Variants in DMD observed in about 807,000 individuals in gnomAD.
DMD encodes dystrophin.
In DMD, 63 loss-of-function variants were observed where a neutral mutation model predicts 330.1. The ratio of observed to expected loss-of-function variants is 0.19; its 90% CI spans 0.16 to 0.24. DMD has a LOEUF of 0.24. Ranked by LOEUF, DMD falls within the 10% of genes least tolerant of loss-of-function variation. The probability of loss-of-function intolerance (pLI) is 1.00; values close to 1 mark genes in which losing one functional copy is unlikely to be tolerated. For missense variants in DMD, 3,344 were observed against 2,684.1 expected (o/e 1.25, Z -5.43); for synonymous variants, 1,223 against 959.8 (o/e 1.27, Z -5.07).
At chrX:31,616,221 A>T (rs185639489) in intron 55 of DMD, among the ~76,000 whole-genome samples, 1 of 111,849 alleles carries the variant, frequency 8.9e-6, no homozygotes, top group Admixed American at 9.5e-5. Context: ...TGCCTATAGG[A>T]ATTGAGATGG....
In DMD at chrX:31,756,033, AGAGC is replaced by A. The variant is rs201468940; in HGVS notation, c.7542+17923_7542+17926del. ...GTGTGCGTGAGAGAGACACAGAGAG[AGAGC>A]GAGAGATTGAGAGTAAGCCCGATCA... is the stretch of plus-strand genomic sequence containing the variant. On this transcript the variant is annotated intron_variant, in intron 51 of 78. Coordinates refer to ENST00000357033, the MANE Select transcript of DMD (RefSeq NM_004006.3). Among the ~76,000 whole-genome samples, 938 of 111,666 alleles carry A rather than the reference AGAGC, an allele frequency of 8.4e-3. 3 individuals are homozygous for A. The highest frequency in any genetic ancestry group is 0.012 in the Non-Finnish European group (663 of 53,098).
chrX:31,857,195 A>G (rs887340330), intron 48 of DMD, among the ~76,000 whole-genome samples: 2 of 109,249 alleles, frequency 1.8e-5, no homozygotes, highest in African/African-American at 3.3e-5. Flanking sequence ...CCTGGTCAAC[A>G]TGGTGAAACC....
At chrX:32,160,854 C>T (rs1253867863) in intron 44 of DMD, among the ~76,000 whole-genome samples, 1 of 111,354 alleles carries the variant, frequency 9.0e-6, no homozygotes, top group African/African-American at 3.3e-5. Flanking sequence ...TACAGCTTGC[C>T]AAATCTAAAC....
At chrX:32,950,702 C>T (rs1390205965) in intron 2 of DMD, among the ~76,000 whole-genome samples, 2 of 111,329 alleles carry the variant, frequency 1.8e-5, no homozygotes, top group Non-Finnish European at 3.8e-5. Context: ...TAAGATCAGT[C>T]ATTCCAGAAA....
intron 27 of DMD, among the ~76,000 whole-genome samples, chrX:32,445,166 C>A (rs755679853): frequency 3.4e-4 from 38 of 111,287 alleles, no homozygotes; most frequent in African/African-American, 1.2e-3. Context: ...CCTAGGAGAT[C>A]TTTTTTGGGG....
Position 32,327,674 on chromosome X carries a change from C to A in DMD, c.5922+14426G>T, listed in dbSNP as rs780264729. The stretch of plus-strand genomic sequence containing the variant: ...AGTTTCTCCTAAAATAGCTTGTTCT[C>A]TGTCAATGTTCCAGGAAATAATAGT... On this transcript the variant is annotated intron_variant, in intron 41 of 78. Coordinates refer to ENST00000357033, the MANE Select transcript of DMD (RefSeq NM_004006.3). 2.7e-5 allele frequency among the ~76,000 whole-genome samples: 3 copies of A among 111,357 alleles called. No individual in the cohort carries two copies. In the East Asian group the frequency reaches 8.5e-4, roughly 32 times the overall value.
At chrX:31,337,797 A>G (rs1162056478) in intron 61 of DMD, among the ~76,000 whole-genome samples, 1 of 112,097 alleles carries the variant, frequency 8.9e-6, no homozygotes, top group African/African-American at 3.2e-5. Context: ...TGTCACAATG[A>G]GGAAGATGAA....
At position 31,855,871 on chromosome X, in the gene DMD, A is replaced by ATATG. The variant is rs746132597; in HGVS notation, c.7099-19056_7099-19053dup. ...ATAAAGCCAATTCCTGGTTTACTCA[A>ATATG]TATGTCAGTCTTCATCTGTGATACC... On this transcript the variant is annotated intron_variant, in intron 48 of 78. Transcript: ENST00000357033. Among the ~76,000 whole-genome samples the ATATG allele has an allele frequency of 1.4e-4, 16 of 112,257 alleles. No individual in the cohort carries two copies. In the South Asian group the frequency reaches 2.2e-3, roughly 15 times the overall value.
At position 31,170,122 on chromosome X, in the gene DMD, G is replaced by T. The variant is rs370317679; in HGVS notation, c.10395-521C>A. Among the ~76,000 whole-genome samples, 4 of 111,210 alleles carry T rather than the reference G, an allele frequency of 3.6e-5. No individual in the cohort carries two copies. In the South Asian group the frequency reaches 1.5e-3, roughly 42 times the overall value. ...AGTTTTAACTTATATAAGTCATTGAGGCAGAATGACAACAACAATTAAACT... is the reference window on the plus strand; with the variant it reads ...AGTTTTAACTTATATAAGTCATTGATGCAGAATGACAACAACAATTAAACT... On this transcript the variant is annotated intron_variant, in intron 73 of 78. Coordinates refer to ENST00000357033, the MANE Select transcript of DMD (RefSeq NM_004006.3).
At chrX:31,832,406 T>C (rs2093070025) in intron 49 of DMD, among the ~76,000 whole-genome samples, 1 of 111,847 alleles carries the variant, frequency 8.9e-6, no homozygotes, top group Non-Finnish European at 1.9e-5. Context: ...CAGCTTCATC[T>C]AGTTAATTAA....
intron 2 of DMD, among the ~76,000 whole-genome samples, chrX:32,931,278 A>G (rs1354581369): frequency 9.0e-6 from 1 of 110,827 alleles, no homozygotes; most frequent in Admixed American, 9.8e-5. Context: ...AGATAACCCT[A>G]AATTTACGAT....
chrX:31,586,080 A>G (rs1418624509), intron 55 of DMD, among the ~76,000 whole-genome samples: 1 of 111,949 alleles, frequency 8.9e-6, no homozygotes, highest in Non-Finnish European at 1.9e-5. Flanking sequence ...GGACCATTCA[A>G]TCTGTATTTC....
At chrX:32,827,065 C>CCCACACACACA (rs767139724) in intron 4 of DMD, among the ~76,000 whole-genome samples, 5 of 68,986 alleles carry the variant, frequency 7.2e-5, no homozygotes, top group Non-Finnish European at 1.3e-4. Flanking sequence ...CACCCCCCCC[C>CCCACACACACA]CACACACACA....
chrX:32,556,155 A>G (rs2050276439), intron 16 of DMD, among the ~76,000 whole-genome samples: 1 of 112,482 alleles, frequency 8.9e-6, no homozygotes, highest in African/African-American at 3.2e-5. Flanking sequence ...TGGGCAAAGC[A>G]CATAAACAAA....
At chrX:31,359,072 G>C (rs953793100) in intron 60 of DMD, among the ~76,000 whole-genome samples, 2 of 112,067 alleles carry the variant, frequency 1.8e-5, no homozygotes, top group Non-Finnish European at 3.8e-5. Context: ...TACTTATTGA[G>C]TGTTTATAAG....
rs1603634605 is a variant in DMD, at chrX:32,484,966, T to G, written c.2756A>C (p.Lys919Thr). Residue 919 changes from lysine to threonine, a missense_variant, in exon 21 of 79, where the codon AAG (lysine) becomes ACG (threonine). Lys to Thr is a moderately conservative substitution (Grantham distance 78, BLOSUM62 -1). Coordinates refer to ENST00000357033, the MANE Select transcript of DMD (RefSeq NM_004006.3). ...GGCCTGCACATCAGAAAAGACTTGCTTAAAATGATTTGTAAAGGCCACAAA... is the reference window on the plus strand; with the variant it reads ...GGCCTGCACATCAGAAAAGACTTGCGTAAAATGATTTGTAAAGGCCACAAA... ...ADFVAFTNHF[K>T]QVFSDVQARE... 1 of 1,211,634 alleles carries G rather than the reference T, an allele frequency of 8.3e-7. No individual in the cohort carries two copies. Among genetic ancestry groups the G allele is most frequent in the East Asian group, 3.0e-5 (1 of 33,821 alleles).
rs141038625 is a variant in DMD at position 32,792,066 on chromosome X, G to C, written c.649+17427C>G. Reference sequence around the variant, plus strand: ...TTCTCAGAAGAAACCTTACAGGCCAGAGAAGAATGAGATGTTATATTAAAC... The same window carrying C: ...TTCTCAGAAGAAACCTTACAGGCCACAGAAGAATGAGATGTTATATTAAAC... On this transcript the variant is annotated intron_variant, in intron 7 of 78. Coordinates refer to ENST00000357033, the MANE Select transcript of DMD (RefSeq NM_004006.3). 1.8e-3 allele frequency among the ~76,000 whole-genome samples: 196 copies of C among 111,687 alleles called. 1 individual carries two copies. In the East Asian group the frequency reaches 0.048, roughly 27 times the overall value.
At chrX:32,957,763 C>T (rs1390503111) in intron 2 of DMD, among the ~76,000 whole-genome samples, 3 of 111,728 alleles carry the variant, frequency 2.7e-5, no homozygotes, top group Non-Finnish European at 3.8e-5. Flanking sequence ...TCTACATCAG[C>T]AGCCAAAGGT....
chrX:31,422,032 TATATA>T (rs2063457297), intron 60 of DMD, among the ~76,000 whole-genome samples: 1 of 8,797 alleles, frequency 1.1e-4, no homozygotes, highest in African/African-American at 1.4e-4. Context: ...CACACACATA[TATATA>T]TATATATTTT....
Sources: gnomAD v4.1 joint callset for allele counts (sites outside exome capture counted in the v4.1 genomes callset) on GRCh38, gnomAD v4.1.1 for gene constraint, MANE v1.5 for transcripts, NCBI Gene and HGNC (gene_info 2026-07-23, HGNC 2026-07-21) for gene names.